ULK4: variants seen among roughly 807,000 people sequenced by gnomAD.
ULK4 encodes inactive serine/threonine-protein kinase ULK4.
Under a neutral mutation model 160.6 loss-of-function variants are expected in ULK4, and 133 were observed. That is an observed-to-expected ratio of 0.83 (90% CI 0.72 to 0.96). The LOEUF is 0.96. Ranked by LOEUF, ULK4 falls within the 40% of genes least tolerant of loss-of-function variation. ULK4 has a pLI of 0.00. For synonymous variants in ULK4, 534 were observed against 539.8 expected (o/e 0.99, Z 0.15); for missense variants, 1,580 against 1,499.5 (o/e 1.05, Z -0.89).
intron 30 of ULK4, among the ~76,000 whole-genome samples, chr3:41,641,771 CAT>C (rs1559453290): frequency 6.7e-6 from 1 of 150,160 alleles, no homozygotes; most frequent in African/African-American, 2.4e-5. Context: ...GGAAATGTAA[CAT>C]ATTTTTCCCA....
chr3:41,578,835 G>A (rs893433768), intron 31 of ULK4, among the ~76,000 whole-genome samples: 11 of 152,168 alleles, frequency 7.2e-5, no homozygotes, highest in Non-Finnish European at 1.5e-4. Flanking sequence ...TTGATCAAGG[G>A]AGAAAGTGAC....
intron 18 of ULK4, among the ~76,000 whole-genome samples, chr3:41,833,587 C>A (rs919230998): frequency 6.6e-6 from 1 of 152,086 alleles, no homozygotes; most frequent in Non-Finnish European, 1.5e-5. Context: ...TGAGCCACTG[C>A]GCCCAGCCAA....
intron 21 of ULK4, among the ~76,000 whole-genome samples, chr3:41,755,824 C>T (rs1320118415): frequency 6.6e-6 from 1 of 152,160 alleles, no homozygotes; most frequent in Non-Finnish European, 1.5e-5. Flanking sequence ...TGTAGATTAG[C>T]TAACAATACT....
At chr3:41,482,119 C>T (rs1157501628) in intron 32 of ULK4, among the ~76,000 whole-genome samples, 1 of 152,010 alleles carries the variant, frequency 6.6e-6, no homozygotes, top group African/African-American at 2.4e-5. Flanking sequence ...GTGGAATCAC[C>T]CTGAATTCTT....
At chr3:41,944,143 A>G (rs1296441347) in intron 2 of ULK4, among the ~76,000 whole-genome samples, 1 of 152,192 alleles carries the variant, frequency 6.6e-6, no homozygotes, top group African/African-American at 2.4e-5. Flanking sequence ...CTCCCTGGAA[A>G]GCTGACATGA....
intron 32 of ULK4, among the ~76,000 whole-genome samples, chr3:41,556,927 A>G (rs2087323377): frequency 6.6e-6 from 1 of 152,224 alleles, no homozygotes. Context: ...TCAAAAATGA[A>G]CAAACAAAAT....
chr3:41,705,314 A>G lies in ULK4; in HGVS notation c.2635-9T>C. 6.2e-7 allele frequency: 1 copy of G among 1,600,800 alleles called. No homozygotes were observed. The highest frequency in any genetic ancestry group is 1.3e-5 in the African/African-American group (1 of 74,310). On this transcript the variant is annotated splice_polypyrimidine_tract_variant and intron_variant, in intron 25 of 36. Coordinates refer to ENST00000301831, the MANE Select transcript of ULK4 (RefSeq NM_017886.4). Reference sequence around the variant, plus strand: ...ACAGATTTAATATGACTCTGAAAAAAAATAAATTTTTAATAAATAGAGTTT... The same window carrying G: ...ACAGATTTAATATGACTCTGAAAAAGAATAAATTTTTAATAAATAGAGTTT...
chr3:41,826,101 A>G (rs569780051), intron 18 of ULK4, among the ~76,000 whole-genome samples: 1 of 152,122 alleles, frequency 6.6e-6, no homozygotes, highest in Non-Finnish European at 1.5e-5. Flanking sequence ...TTACAGACAA[A>G]CAAATTTTGA....
chr3:41,594,043 G>A (rs79854576), intron 31 of ULK4, among the ~76,000 whole-genome samples: 4,748 of 151,804 alleles, frequency 0.031, 236 homozygotes, highest in African/African-American at 0.11. Flanking sequence ...AGACTGTGTC[G>A]AAAGAGAGAA....
intron 31 of ULK4, among the ~76,000 whole-genome samples, chr3:41,594,633 G>A (rs985023148): frequency 7.9e-5 from 12 of 152,218 alleles, no homozygotes; most frequent in African/African-American, 2.4e-4. Context: ...AGAGAGATGC[G>A]AGGGACAGAA....
chr3:41,887,991 T>C (rs924892936), intron 16 of ULK4, among the ~76,000 whole-genome samples: 4 of 151,756 alleles, frequency 2.6e-5, no homozygotes. Context: ...AGTGAGACCC[T>C]GTCTCCACAA....
intron 30 of ULK4, among the ~76,000 whole-genome samples, chr3:41,655,369 G>A (rs1427576747): frequency 1.7e-5 from 2 of 115,232 alleles, no homozygotes; most frequent in Admixed American, 1.1e-4. Flanking sequence ...ACACACCGGG[G>A]ACTGTTGTGG....
intron 30 of ULK4, among the ~76,000 whole-genome samples, chr3:41,625,937 G>C (rs1364185743): frequency 6.6e-6 from 1 of 152,150 alleles, no homozygotes; most frequent in Non-Finnish European, 1.5e-5. Context: ...ATTTTAGCCA[G>C]CTAAGCACAC....
chr3:41,850,763 G>C (rs760307888), intron 17 of ULK4, among the ~76,000 whole-genome samples: 1 of 152,142 alleles, frequency 6.6e-6, no homozygotes, highest in Non-Finnish European at 1.5e-5. Context: ...TAGGTTGCCT[G>C]TTCACTCTGA....
intron 34 of ULK4, among the ~76,000 whole-genome samples, chr3:41,400,620 A>C (rs2082159193): frequency 6.6e-6 from 1 of 152,218 alleles, no homozygotes; most frequent in Non-Finnish European, 1.5e-5. Flanking sequence ...ATTCCAAATA[A>C]AACTACTGTG....
At chr3:41,391,537 T>G (rs1316100774) in intron 35 of ULK4, among the ~76,000 whole-genome samples, 1 of 151,856 alleles carries the variant, frequency 6.6e-6, no homozygotes, top group Non-Finnish European at 1.5e-5. Context: ...TTCTATCTAG[T>G]AGAAAGAGTG....
rs527729127 is a variant in ULK4, at chr3:41,800,369, A to G, written c.1849-76T>C. ...TTATTTCTTTATGACCATTGTAAAT[A>G]ATGTTATGATACCAAGACAGTAACA... On this transcript the variant is annotated intron_variant, in intron 19 of 36. Transcript: ENST00000301831. 4 of 1,452,052 alleles carry G rather than the reference A, an allele frequency of 2.8e-6. No homozygotes were observed. The South Asian group carries it at 3.7e-5, about 14-fold the overall frequency. The allele number at this position is 1,452,052 out of a possible 1,614,324, so 89.9% of individuals were successfully genotyped here.
chr3:41,373,387 G>A (rs1322378323), intron 35 of ULK4, among the ~76,000 whole-genome samples: 11 of 152,170 alleles, frequency 7.2e-5, no homozygotes, highest in Non-Finnish European at 1.5e-4. Context: ...ATAATTGGAA[G>A]TAAACACTCC....
At chr3:41,590,298 G>C (rs755616052) in intron 31 of ULK4, among the ~76,000 whole-genome samples, 1 of 149,544 alleles carries the variant, frequency 6.7e-6, no homozygotes, top group South Asian at 2.2e-4. Context: ...CACCGCGCCC[G>C]GCCCCCAAAT....
Sources: allele counts gnomAD v4.1 joint callset (sites outside exome capture counted in the v4.1 genomes callset), GRCh38; gene constraint gnomAD v4.1.1; transcripts MANE v1.5; gene names NCBI Gene and HGNC (gene_info 2026-07-23, HGNC 2026-07-21).